The following SCP2 variants were observed in gnomAD, a reference collection of about 807,000 sequenced individuals.
SCP2 encodes SCP-2/3-oxoacyl-CoA thiolase.
SCP2 carries 48 observed loss-of-function variants against 71.4 expected under a neutral mutation model. The ratio of observed to expected loss-of-function variants is 0.67; its 90% CI spans 0.53 to 0.86. The LOEUF is 0.86. Ranked by LOEUF, SCP2 falls within the 40% of genes least tolerant of loss-of-function variation. SCP2 has a pLI of 0.00. For missense variants in SCP2, 560 were observed against 655.6 expected, an observed-to-expected ratio of 0.85 and a Z score of 1.59; for synonymous variants, 220 against 218.1, an observed-to-expected ratio of 1.01 and a Z score of -0.08.
intron 5 of SCP2, among the ~76,000 whole-genome samples, chr1:52,959,483 C>T (rs12044957): frequency 0.044 from 6,732 of 152,126 alleles, 452 homozygotes; most frequent in East Asian, 0.34. Context: ...TGAGCCACCG[C>T]GCCCAGCCCT....
intron 7 of SCP2, 118 bp downstream of exon 7, chr1:52,974,950 T>C (rs1311252582): frequency 1.4e-6 from 1 of 693,416 alleles, no homozygotes; most frequent in Non-Finnish European, 2.6e-6. Flanking sequence ...GAATGTTTTA[T>C]TTTTTTCTTA....
chr1:53,022,294 A>T (rs192319642), intron 12 of SCP2, among the ~76,000 whole-genome samples: 2 of 152,306 alleles, frequency 1.3e-5, no homozygotes, highest in Admixed American at 1.3e-4. Flanking sequence ...ATGTTGTGGC[A>T]TATATCAGTA....
chr1:53,019,218 T>C, intron 12 of SCP2, among the ~76,000 whole-genome samples: 1 of 152,348 alleles, frequency 6.6e-6, no homozygotes, highest in South Asian at 2.1e-4. Context: ...TTCTTTTCTT[T>C]GTAATTAATA....
rs74547355 is a variant in SCP2, at chr1:53,002,866, A to C, written c.1082-12024A>C. 6.2e-3 allele frequency among the ~76,000 whole-genome samples: 951 copies of C among 152,328 alleles called. 16 individuals are homozygous for C. Among genetic ancestry groups the C allele is most frequent in the African/African-American group, 0.022 (914 of 41,570 alleles). On this transcript the variant is annotated intron_variant, in intron 11 of 15. Transcript: ENST00000371514. ...GGACCGAGCATTTTCAAATCAAACC[A>C]TGGCTTATCTCGTCTACTCTGTAAG...
intron 12 of SCP2, among the ~76,000 whole-genome samples, chr1:53,021,562 C>T (rs1394940907): frequency 3.3e-5 from 5 of 151,828 alleles, no homozygotes; most frequent in Non-Finnish European, 7.4e-5. Flanking sequence ...TCAAGTAATC[C>T]TCCCACCTTG....
intron 3 of SCP2, among the ~76,000 whole-genome samples, chr1:52,949,075 T>G (rs1031538492): frequency 1.3e-4 from 20 of 152,296 alleles, no homozygotes; most frequent in African/African-American, 3.6e-4. Context: ...TAATGATATT[T>G]TCTAATTTCT....
chr1:53,008,522 C>T (rs1365793618), intron 11 of SCP2, among the ~76,000 whole-genome samples: 1 of 152,188 alleles, frequency 6.6e-6, no homozygotes, highest in East Asian at 1.9e-4. Context: ...GAACCAAACA[C>T]AAAAACCACA....
chr1:52,936,546 G>C (rs1285744531), intron 1 of SCP2, among the ~76,000 whole-genome samples: 1 of 152,202 alleles, frequency 6.6e-6, no homozygotes, highest in Non-Finnish European at 1.5e-5. Context: ...ACATGAGTAT[G>C]CAATCTGCAA....
chr1:52,973,642 C>T (rs1280802753), intron 6 of SCP2, among the ~76,000 whole-genome samples: 3 of 152,166 alleles, frequency 2.0e-5, no homozygotes, highest in Admixed American at 6.6e-5. Flanking sequence ...GGCACAATCT[C>T]GGCTCACTGC....
At chr1:53,016,007 TG>T (rs1304813608) in intron 12 of SCP2, among the ~76,000 whole-genome samples, 1 of 152,160 alleles carries the variant, frequency 6.6e-6, no homozygotes, top group Non-Finnish European at 1.5e-5. Context: ...CACACTTTTT[TG>T]TTTCTCCAAC....
At chr1:52,989,144 T>G (rs1156466124) in intron 11 of SCP2, among the ~76,000 whole-genome samples, 2 of 152,264 alleles carry the variant, frequency 1.3e-5, no homozygotes, top group Non-Finnish European at 2.9e-5. Context: ...ATTATAACCC[T>G]CACAATATAC....
intron 10 of SCP2, among the ~76,000 whole-genome samples, chr1:52,982,548 T>C (rs575800929): frequency 1.3e-4 from 20 of 152,158 alleles, no homozygotes; most frequent in Middle Eastern, 6.8e-3. Flanking sequence ...CCAGCCTGGG[T>C]GACAGAGCGA....
intron 12 of SCP2, among the ~76,000 whole-genome samples, chr1:53,027,574 G>T (rs72903137): frequency 0.14 from 20,897 of 151,984 alleles, 2,052 homozygotes; most frequent in East Asian, 0.33. Flanking sequence ...GTGCCATCTC[G>T]GCTCACTGCA....
In SCP2 at chr1:53,038,953, T is replaced by A. The variant is rs1264753490; in HGVS notation, c.1375T>A (p.Phe459Ile). Reference sequence around the variant, plus strand: ...GTTTGTGAAGAAAATCGGTGGTATTTTTGCCTTCAAGGTGAAAGATGGCCC... The same window carrying A: ...GTTTGTGAAGAAAATCGGTGGTATTATTGCCTTCAAGGTGAAAGATGGCCC... ...EQFVKKIGGI[F>I]AFKVKDGPGG... Residue 459 changes from phenylalanine to isoleucine, a missense_variant, in exon 14 of 16, where the codon TTT becomes ATT. Coordinates refer to ENST00000371514, the MANE Select transcript of SCP2 (RefSeq NM_002979.5). 5 of 1,614,128 alleles carry A rather than the reference T, an allele frequency of 3.1e-6. No homozygotes were observed. Among genetic ancestry groups the A allele is most frequent in the South Asian group, 1.1e-5 (1 of 91,076 alleles).
At chr1:52,980,094 C>T (rs1268906713) in intron 9 of SCP2, among the ~76,000 whole-genome samples, 1 of 152,040 alleles carries the variant, frequency 6.6e-6, no homozygotes, top group Non-Finnish European at 1.5e-5. Flanking sequence ...CCAGCTCAGC[C>T]TCCCAAGTAT....
intron 10 of SCP2, among the ~76,000 whole-genome samples, chr1:52,984,163 T>A (rs1658762357): frequency 6.6e-6 from 1 of 152,214 alleles, no homozygotes; most frequent in Admixed American, 6.5e-5. Context: ...TCCTAGTTCC[T>A]TTGGTTAGGA....
chr1:52,936,923 T>C (rs934229284), intron 1 of SCP2, among the ~76,000 whole-genome samples: 4 of 152,172 alleles, frequency 2.6e-5, no homozygotes, highest in African/African-American at 7.2e-5. Flanking sequence ...AACAATTCAT[T>C]AGGATATGCA....
At chr1:53,017,119 T>C (rs758818417) in intron 12 of SCP2, among the ~76,000 whole-genome samples, 2 of 152,148 alleles carry the variant, frequency 1.3e-5, no homozygotes, top group African/African-American at 2.4e-5. Flanking sequence ...GCTTTTGTGC[T>C]ACAGACTGAG....
At chr1:52,934,384 C>A (rs1653464744) in intron 1 of SCP2, among the ~76,000 whole-genome samples, 1 of 150,888 alleles carries the variant, frequency 6.6e-6, no homozygotes, top group African/African-American at 2.4e-5. Flanking sequence ...TATATAAAGT[C>A]AAAATTTGAA....
Sources: gnomAD v4.1 joint callset for allele counts (sites outside exome capture counted in the v4.1 genomes callset) on GRCh38, gnomAD v4.1.1 for gene constraint, MANE v1.5 for transcripts, NCBI Gene and HGNC (gene_info 2026-07-23, HGNC 2026-07-21) for gene names.